The following CERT1 variants were observed in gnomAD, a reference collection of about 807,000 sequenced individuals.
The protein encoded by CERT1 is ceramide transfer protein.
In CERT1, 31 loss-of-function variants were observed where a neutral mutation model predicts 87.9. The ratio of observed to expected loss-of-function variants is 0.35; its 90% confidence interval spans 0.27 to 0.48. The LOEUF (loss-of-function observed/expected upper bound fraction) is 0.48, where lower values mean the gene tolerates loss of function less well. CERT1 is among the 20% of genes least tolerant of loss of function. The pLI is 0.99. For synonymous variants in CERT1, 289 were observed against 250.9 expected, an observed-to-expected ratio of 1.15 and a Z score of -1.44; for missense variants, 487 against 758.0, an observed-to-expected ratio of 0.64 and a Z score of 4.20.
chr5:75,459,607 C>G (rs1241658749), intron 2 of CERT1, among the ~76,000 whole-genome samples: 1 of 152,098 alleles, frequency 6.6e-6, no homozygotes, highest in Non-Finnish European at 1.5e-5. Flanking sequence ...GATCCTCATG[C>G]CTCCCAACTG....
At chr5:75,394,225 A>T (rs1762155861) in intron 11 of CERT1, among the ~76,000 whole-genome samples, 1 of 152,162 alleles carries the variant, frequency 6.6e-6, no homozygotes, top group Non-Finnish European at 1.5e-5. Context: ...AAAAATTTTT[A>T]AAACTTGGCT....
intron 12 of CERT1, among the ~76,000 whole-genome samples, chr5:75,386,289 G>GT (rs1489018117): frequency 3.3e-5 from 5 of 152,068 alleles, no homozygotes; most frequent in African/African-American, 1.2e-4. Context: ...AAAAATAAAT[G>GT]TATCAATTTG....
chr5:75,416,876 C>T lies in CERT1; in HGVS notation c.837G>A (p.Lys279=). The change falls in exon 7 of 17, where the codon AAG becomes AAA. Residue 279 remains lysine, a splice_region_variant and synonymous_variant. Transcript: ENST00000643780. The stretch of plus-strand genomic sequence containing the variant: ...TAAAAGGAAAAAAACCTAGTCTTAC[C>T]TTATCCAGTCTCTTCTGCCAGCTGT... ...REDSWQKRLD[K]ETEKKRRTEE... 1 of 1,600,488 alleles carries T rather than the reference C, an allele frequency of 6.2e-7. No individual in the cohort carries two copies. The highest frequency in any genetic ancestry group is 8.5e-7 in the Non-Finnish European group (1 of 1,175,676).
At chr5:75,380,891 G>A (rs1190654829) in intron 16 of CERT1, among the ~76,000 whole-genome samples, 181 bp downstream of exon 16, 2 of 152,004 alleles carry the variant, frequency 1.3e-5, no homozygotes, top group Admixed American at 1.3e-4. Flanking sequence ...TAGTTCCAGG[G>A]TGAAATTCAG....
chr5:75,392,229 A>C (rs1762053635), intron 11 of CERT1, among the ~76,000 whole-genome samples: 1 of 152,220 alleles, frequency 6.6e-6, no homozygotes. Flanking sequence ...TGTTCCTTCA[A>C]TGGTAGGCCA....
intron 7 of CERT1, among the ~76,000 whole-genome samples, chr5:75,411,797 C>T (rs1310672699): frequency 2.0e-5 from 3 of 152,110 alleles, no homozygotes; most frequent in African/African-American, 7.2e-5. Flanking sequence ...TTAAGAGATA[C>T]ATTTATTTTG....
intron 3 of CERT1, among the ~76,000 whole-genome samples, chr5:75,429,072 T>C (rs1763752691): frequency 6.6e-6 from 1 of 151,818 alleles, no homozygotes; most frequent in South Asian, 2.1e-4. Context: ...CTCAGATTAA[T>C]GGTCTTTTTG....
chr5:75,472,174 GA>G (rs1398067302), intron 2 of CERT1, among the ~76,000 whole-genome samples: 1 of 152,188 alleles, frequency 6.6e-6, no homozygotes, highest in East Asian at 1.9e-4. Context: ...ACACAATGGG[GA>G]AAGGACAGTC....
intron 2 of CERT1, among the ~76,000 whole-genome samples, chr5:75,496,059 G>A (rs1375176267): frequency 1.3e-5 from 2 of 152,010 alleles, no homozygotes; most frequent in East Asian, 3.8e-4. Flanking sequence ...CAGATTGGGA[G>A]AAAATATTTG....
intron 2 of CERT1, among the ~76,000 whole-genome samples, chr5:75,463,561 T>A: frequency 6.6e-6 from 1 of 152,134 alleles, no homozygotes; most frequent in South Asian, 2.1e-4. Flanking sequence ...AAAAGAGACA[T>A]AAATGTCCAA....
At chr5:75,455,171 C>T (rs1764928386) in intron 3 of CERT1, among the ~76,000 whole-genome samples, 1 of 152,202 alleles carries the variant, frequency 6.6e-6, no homozygotes, top group Admixed American at 6.5e-5. Flanking sequence ...TTCTTCTTCA[C>T]AATGTCTTGA....
At chr5:75,398,340 T>TTG (rs1216341490) in intron 11 of CERT1, among the ~76,000 whole-genome samples, 39 of 152,264 alleles carry the variant, frequency 2.6e-4, no homozygotes, top group African/African-American at 7.0e-4. Flanking sequence ...TTTTATTAGC[T>TTG]CAAAGAAATT....
chr5:75,466,789 G>T (rs987354586), intron 2 of CERT1, among the ~76,000 whole-genome samples: 1 of 152,166 alleles, frequency 6.6e-6, no homozygotes, highest in Non-Finnish European at 1.5e-5. Context: ...ACTTCTCTTT[G>T]TTGCTGTAGT....
intron 11 of CERT1, among the ~76,000 whole-genome samples, chr5:75,397,164 C>T (rs1018342345): frequency 2.0e-5 from 3 of 152,198 alleles, no homozygotes; most frequent in Non-Finnish European, 4.4e-5. Context: ...CTAGAGTCCA[C>T]GTCTGCTAAT....
At chr5:75,486,442 G>A (rs1766527186) in intron 2 of CERT1, among the ~76,000 whole-genome samples, 1 of 152,042 alleles carries the variant, frequency 6.6e-6, no homozygotes. Context: ...GAAAGACAAA[G>A]ATGTTCACCT....
chr5:75,374,046 T>G (rs1257682813), downstream of CERT1: 1 of 398,768 alleles, frequency 2.5e-6, no homozygotes, highest in Non-Finnish European at 4.4e-6. Context: ...AGCTTTGCTA[T>G]TGCAATATTT....
chr5:75,511,897 G>A (rs931326901), upstream of CERT1: 94 of 1,413,924 alleles, frequency 6.6e-5, no homozygotes, highest in Non-Finnish European at 8.4e-5. Context: ...AGTTGTAGTC[G>A]CGATCCTGAG....
Position 75,454,227 on chromosome 5 carries a change from A to G in CERT1, c.348+4838T>C, listed in dbSNP as rs532574669. Among the ~76,000 whole-genome samples the G allele has an allele frequency of 5.3e-5, 8 of 152,300 alleles. No homozygotes were observed. The East Asian group carries it at 1.5e-3, about 29-fold the overall frequency. ...ATGGTAACACATACCGTAAACTATC[A>G]TTATTTTCCTCCTTTCAATAACTTA... On this transcript the variant is annotated intron_variant, in intron 3 of 16. Transcript: ENST00000643780.
rs1270271512 is a variant in CERT1 at position 75,506,048 on chromosome 5, G to A, written c.165C>T (p.Tyr55=). ...VVLKNNALSY[Y]KSEDETEYGC... is the part of the protein sequence containing the mutation. Reference sequence around the variant, plus strand: ...CATACTCTGTTTCATCTTCAGATTTGTAGTAACTCAGAGCATTATTTTTCA... The same window carrying A: ...CATACTCTGTTTCATCTTCAGATTTATAGTAACTCAGAGCATTATTTTTCA... The change falls in exon 2 of 17, where the codon TAC becomes TAT. Residue 55 remains tyrosine, a synonymous_variant. Coordinates refer to ENST00000643780, the MANE Select transcript of CERT1 (RefSeq NM_001379029.1). The A allele has an allele frequency of 1.9e-6, 3 of 1,613,356 alleles. No individual in the cohort carries two copies. The highest frequency in any genetic ancestry group is 2.5e-6 in the Non-Finnish European group (3 of 1,179,452).
Sources: gnomAD v4.1 joint callset for allele counts (sites outside exome capture counted in the v4.1 genomes callset) on GRCh38, gnomAD v4.1.1 for gene constraint, MANE v1.5 for transcripts, NCBI Gene and HGNC (gene_info 2026-07-23, HGNC 2026-07-21) for gene names.